Variants in SMG6 observed in about 807,000 individuals in gnomAD.
SMG6 encodes SMG6 nonsense mediated mRNA decay factor, also known as telomerase-binding protein EST1A.
In SMG6, 66 loss-of-function variants were observed where a neutral mutation model predicts 142.2. That is an observed-to-expected ratio of 0.46 (90% CI 0.38 to 0.57). The LOEUF (loss-of-function observed/expected upper bound fraction) is 0.57, where lower values mean the gene tolerates loss of function less well. Among genes scored for constraint, SMG6 ranks in the 20% least tolerant of loss-of-function variants. The pLI is 0.00. For synonymous variants in SMG6, 779 were observed against 702.4 expected (o/e 1.11, Z -1.72); for missense variants, 1,793 against 1,832.0 (o/e 0.98, Z 0.39).
intron 13 of SMG6, among the ~76,000 whole-genome samples, chr17:2,111,293 AG>A (rs1215852286): frequency 6.6e-6 from 1 of 152,202 alleles, no homozygotes; most frequent in Non-Finnish European, 1.5e-5. Context: ...AGAGAGCGGC[AG>A]GGTGGGGAAG....
chr17:2,138,711 C>T lies in SMG6; in HGVS notation c.3357+33947G>A, dbSNP rs538433592. ...TCAGCAGGACTTTTGGTTTCCCCCA[C>T]CTCTCTCCCTCCCTGTCCACTGCAG... On this transcript the variant is annotated intron_variant, in intron 13 of 18. Coordinates refer to ENST00000263073, the MANE Select transcript of SMG6 (RefSeq NM_017575.5). Among the ~76,000 whole-genome samples, 7 of 152,276 alleles carry T rather than the reference C, an allele frequency of 4.6e-5. No individual in the cohort carries two copies. The South Asian group carries it at 1.4e-3, about 32-fold the overall frequency.
intron 15 of SMG6, among the ~76,000 whole-genome samples, chr17:2,080,613 G>A (rs1228733038): frequency 6.6e-6 from 1 of 152,020 alleles, no homozygotes; most frequent in Non-Finnish European, 1.5e-5. Context: ...CTGAGAGATA[G>A]GTGCTATTAG....
At chr17:2,074,684 T>C (rs977077238) in intron 15 of SMG6, among the ~76,000 whole-genome samples, 4 of 152,234 alleles carry the variant, frequency 2.6e-5, no homozygotes, top group East Asian at 3.8e-4. Flanking sequence ...GCAGTTTCCA[T>C]TGTCATACCT....
intron 10 of SMG6, among the ~76,000 whole-genome samples, chr17:2,189,471 G>C (rs1231545355): frequency 6.6e-6 from 1 of 152,132 alleles, no homozygotes; most frequent in Non-Finnish European, 1.5e-5. Context: ...ATACCCACAG[G>C]AGACAGAATC....
intron 9 of SMG6, among the ~76,000 whole-genome samples, chr17:2,238,321 A>G (rs2073717657): frequency 6.6e-6 from 1 of 151,922 alleles, no homozygotes; most frequent in Non-Finnish European, 1.5e-5. Flanking sequence ...TCCACATGCC[A>G]TTTCAAGTAC....
chr17:2,202,810 C>T (rs1014831243), intron 10 of SMG6, among the ~76,000 whole-genome samples: 1 of 152,184 alleles, frequency 6.6e-6, no homozygotes, highest in Non-Finnish European at 1.5e-5. Flanking sequence ...AGTAAACTTT[C>T]GTCATCAAGG....
intron 6 of SMG6, among the ~76,000 whole-genome samples, chr17:2,291,103 G>A (rs549228457): frequency 8.7e-4 from 132 of 152,182 alleles, no homozygotes; most frequent in African/African-American, 2.7e-3. Flanking sequence ...AGGCCGAGGC[G>A]GGCGGATCAC....
intron 1 of SMG6, among the ~76,000 whole-genome samples, chr17:2,301,522 A>C (rs1425879001): frequency 1.3e-5 from 2 of 152,220 alleles, no homozygotes; most frequent in Non-Finnish European, 2.9e-5. Context: ...CTGGGAACTC[A>C]AGAATTAAGA....
intron 10 of SMG6, among the ~76,000 whole-genome samples, chr17:2,229,678 A>G (rs1282755426): frequency 6.6e-6 from 1 of 152,190 alleles, no homozygotes; most frequent in Non-Finnish European, 1.5e-5. Flanking sequence ...GGTTGTCATT[A>G]CTGGTCACGC....
intron 8 of SMG6, among the ~76,000 whole-genome samples, chr17:2,257,529 C>T (rs971922484): frequency 1.3e-5 from 2 of 152,090 alleles, no homozygotes; most frequent in African/African-American, 4.8e-5. Flanking sequence ...TGCTACATTC[C>T]AGCCTAAGTG....
intron 8 of SMG6, among the ~76,000 whole-genome samples, chr17:2,258,730 GA>G: frequency 6.6e-6 from 1 of 151,562 alleles, no homozygotes; most frequent in South Asian, 2.1e-4. Flanking sequence ...CCCAGGAGGT[GA>G]AGGGTGAAGT....
intron 8 of SMG6, among the ~76,000 whole-genome samples, chr17:2,254,543 C>T (rs2151320170): frequency 6.6e-6 from 1 of 152,226 alleles, no homozygotes; most frequent in South Asian, 2.1e-4. Flanking sequence ...CCATGTTGTC[C>T]AGGCTGGTCT....
intron 16 of SMG6, chr17:2,065,960 G>A (rs2067930646): frequency 2.0e-6 from 1 of 495,540 alleles, no homozygotes; most frequent in Non-Finnish European, 3.7e-6. Context: ...TTTAGAGGAA[G>A]AAATCTGGTC....
chr17:2,244,015 G>A (rs758460311), intron 9 of SMG6, among the ~76,000 whole-genome samples: 2 of 152,040 alleles, frequency 1.3e-5, no homozygotes, highest in Non-Finnish European at 2.9e-5. Flanking sequence ...GGAAGAACTC[G>A]GATCCATCCA....
At chr17:2,258,605 C>G (rs1285797241) in intron 8 of SMG6, among the ~76,000 whole-genome samples, 1 of 118,746 alleles carries the variant, frequency 8.4e-6, no homozygotes, top group Non-Finnish European at 1.7e-5. Context: ...GAATTCAAGA[C>G]CAGCCTGGGC....
chr17:2,123,597 G>C (rs1481189579), intron 13 of SMG6, among the ~76,000 whole-genome samples: 1 of 152,180 alleles, frequency 6.6e-6, no homozygotes, highest in Admixed American at 6.5e-5. Flanking sequence ...AGAGGACAGG[G>C]AAGTGAAACC....
intron 13 of SMG6, among the ~76,000 whole-genome samples, chr17:2,130,216 C>G (rs1264313858): frequency 7.5e-6 from 1 of 133,672 alleles, no homozygotes; most frequent in Non-Finnish European, 1.5e-5. Context: ...GCCGAGATTG[C>G]GCCACTGCAG....
chr17:2,210,746 A>G (rs2072826026), intron 10 of SMG6, among the ~76,000 whole-genome samples: 1 of 151,352 alleles, frequency 6.6e-6, no homozygotes, highest in South Asian at 2.1e-4. Context: ...GCAGCCAACA[A>G]AGGCAAAAGC....
intron 13 of SMG6, among the ~76,000 whole-genome samples, chr17:2,135,996 A>ATATG (rs2070284346): frequency 7.1e-6 from 1 of 141,108 alleles, no homozygotes; most frequent in African/African-American, 2.7e-5. Flanking sequence ...ATATATATTT[A>ATATG]TGTGTGTGTG....
Sources: allele counts gnomAD v4.1 joint callset (sites outside exome capture counted in the v4.1 genomes callset), GRCh38; gene constraint gnomAD v4.1.1; transcripts MANE v1.5; gene names NCBI Gene and HGNC (gene_info 2026-07-23, HGNC 2026-07-21).